The following WDFY2 variants were observed in gnomAD, a reference collection of about 807,000 sequenced individuals.
WDFY2 encodes WD repeat and FYVE domain containing 2, also known as WD repeat and FYVE domain-containing protein 2.
Under a neutral mutation model 56.4 loss-of-function variants are expected in WDFY2, and 36 were observed. The ratio of observed to expected loss-of-function variants is 0.64; its 90% CI spans 0.49 to 0.84. The LOEUF (loss-of-function observed/expected upper bound fraction) is 0.84, where lower values mean the gene tolerates loss of function less well. Ranked by LOEUF, WDFY2 falls within the 40% of genes least tolerant of loss-of-function variation. The pLI is 0.00. For synonymous variants in WDFY2, 176 were observed against 183.7 expected (o/e 0.96, Z 0.34); for missense variants, 444 against 512.2 (o/e 0.87, Z 1.29).
chr13:51,702,694 T>C (rs1276007640), intron 3 of WDFY2, among the ~76,000 whole-genome samples: 3 of 152,192 alleles, frequency 2.0e-5, no homozygotes, highest in African/African-American at 7.2e-5. Context: ...CCCATCCCCC[T>C]TTTTTTAAGT....
chr13:51,598,627 T>C (rs1954202194), intron 1 of WDFY2: 1 of 152,192 alleles, frequency 6.6e-6, no homozygotes, highest in Admixed American at 6.5e-5. Context: ...CTAAAATCAC[T>C]GTAATAGGAC....
chr13:51,614,661 T>A (rs963759066), intron 1 of WDFY2, among the ~76,000 whole-genome samples: 6 of 152,188 alleles, frequency 3.9e-5, no homozygotes, highest in Non-Finnish European at 7.4e-5. Flanking sequence ...TCAAAGAGCT[T>A]CCTGGAAGCT....
intron 4 of WDFY2, among the ~76,000 whole-genome samples, chr13:51,712,688 C>T (rs1241131345): frequency 6.6e-6 from 1 of 150,798 alleles, no homozygotes. Context: ...AATCCAAAAG[C>T]TAGTGTTTTG....
intron 1 of WDFY2, among the ~76,000 whole-genome samples, chr13:51,639,657 C>G (rs1955119430): frequency 6.6e-6 from 1 of 152,092 alleles, no homozygotes; most frequent in Non-Finnish European, 1.5e-5. Context: ...AAACTCAGTA[C>G]TTGTCTCTTT....
At chr13:51,613,216 T>TA (rs926111787) in intron 1 of WDFY2, among the ~76,000 whole-genome samples, 4 of 150,112 alleles carry the variant, frequency 2.7e-5, no homozygotes, top group Admixed American at 1.3e-4. Flanking sequence ...CTCTAAAAAA[T>TA]AAAAAAAAAG....
chr13:51,652,693 G>T (rs1955418814), intron 1 of WDFY2, among the ~76,000 whole-genome samples: 1 of 152,128 alleles, frequency 6.6e-6, no homozygotes, highest in South Asian at 2.1e-4. Context: ...TGAAATTCTG[G>T]GTTGAAAATT....
At chr13:51,718,187 G>T (rs1339259752) in intron 4 of WDFY2, among the ~76,000 whole-genome samples, 1 of 152,164 alleles carries the variant, frequency 6.6e-6, no homozygotes, top group Non-Finnish European at 1.5e-5. Context: ...TGATGAGTGT[G>T]TTCATGCCCC....
chr13:51,767,528 A>G lies in WDFY2; in HGVS notation c.*7759A>G, dbSNP rs1299944766. The stretch of plus-strand genomic sequence containing the variant: ...CCATGGACACCAAGAATGTATGTAG[A>G]TGTATTCTAAATCTGCTCATTGGTT... On this transcript the variant is annotated 3_prime_UTR_variant, in exon 12 of 12. Transcript: ENST00000298125. The G allele has an allele frequency of 6.6e-6, 1 of 152,292 alleles. No homozygotes were observed. Among genetic ancestry groups the G allele is most frequent in the Non-Finnish European group, 1.5e-5 (1 of 68,282 alleles). The allele number at this position is 152,292 out of a possible 1,614,324, so 9.4% of individuals were successfully genotyped here. A position where few individuals can be genotyped will look rare whatever the true frequency, so the allele number is the denominator to read the frequency against.
chr13:51,588,663 G>C (rs1039202569), intron 1 of WDFY2: 1 of 152,118 alleles, frequency 6.6e-6, no homozygotes, highest in African/African-American at 2.4e-5. Context: ...GGGCATTTTA[G>C]ATAGAGGAGG....
chr13:51,646,847 G>A (rs1189154179), intron 1 of WDFY2, among the ~76,000 whole-genome samples: 1 of 152,148 alleles, frequency 6.6e-6, no homozygotes, highest in African/African-American at 2.4e-5. Flanking sequence ...GCATGAACCT[G>A]GTGTGGTGCT....
intron 2 of WDFY2, among the ~76,000 whole-genome samples, chr13:51,673,378 C>A (rs755985806): frequency 9.2e-5 from 14 of 152,136 alleles, no homozygotes; most frequent in Non-Finnish European, 2.1e-4. Flanking sequence ...TAGTCACTAG[C>A]CCCTTGAGGC....
intron 2 of WDFY2, among the ~76,000 whole-genome samples, chr13:51,668,341 G>A (rs146442018): frequency 0.01 from 1,582 of 152,232 alleles, 29 homozygotes; most frequent in African/African-American, 0.036. Context: ...TCACTTTAGT[G>A]TAACTTAAAA....
intron 3 of WDFY2, among the ~76,000 whole-genome samples, chr13:51,696,178 A>G (rs1287928206): frequency 6.6e-6 from 1 of 152,032 alleles, no homozygotes; most frequent in Non-Finnish European, 1.5e-5. Context: ...GGTGTGCTGC[A>G]CCCACTATCC....
rs1401277235 is a variant in WDFY2 at position 51,764,963 on chromosome 13, G to A, written c.*5194G>A. ...GTTGCACGGACAGGCGGTGCCGAGT[G>A]TTTGGGTGCAGACACAGGCAGCTGC... On this transcript the variant is annotated 3_prime_UTR_variant, in exon 12 of 12. Transcript: ENST00000298125. 1 of 152,252 alleles carries A rather than the reference G, an allele frequency of 6.6e-6. No individual in the cohort carries two copies. Among genetic ancestry groups the A allele is most frequent in the Non-Finnish European group, 1.5e-5 (1 of 68,110 alleles). The allele number at this position is 152,252 out of a possible 1,614,324, so 9.4% of individuals were successfully genotyped here.
intron 4 of WDFY2, among the ~76,000 whole-genome samples, chr13:51,718,065 A>G (rs565692312): frequency 2.2e-4 from 33 of 152,356 alleles, no homozygotes; most frequent in African/African-American, 7.9e-4. Flanking sequence ...AGAAATTGGC[A>G]GATGGTATTA....
At chr13:51,638,057 C>T (rs1955085988) in intron 1 of WDFY2, among the ~76,000 whole-genome samples, 1 of 152,210 alleles carries the variant, frequency 6.6e-6, no homozygotes, top group Non-Finnish European at 1.5e-5. Context: ...TTGAATGCCT[C>T]TGACAAGAGT....
chr13:51,697,068 C>A (rs1435828409), intron 3 of WDFY2, among the ~76,000 whole-genome samples: 3 of 152,048 alleles, frequency 2.0e-5, no homozygotes, highest in Admixed American at 1.3e-4. Flanking sequence ...TGTTTTAATT[C>A]TATTTTTATC....
chr13:51,723,320 G>A (rs985924302), intron 5 of WDFY2, among the ~76,000 whole-genome samples: 2 of 152,092 alleles, frequency 1.3e-5, no homozygotes, highest in Admixed American at 1.3e-4. Context: ...CCTTGATATT[G>A]TTGAATTTCA....
chr13:51,695,354 G>T (rs1483382497), intron 3 of WDFY2, among the ~76,000 whole-genome samples: 1 of 152,132 alleles, frequency 6.6e-6, no homozygotes, highest in Non-Finnish European at 1.5e-5. Flanking sequence ...GTACAGATGG[G>T]TTTTTGGTGT....
Sources: gnomAD v4.1 joint callset for allele counts (sites outside exome capture counted in the v4.1 genomes callset) on GRCh38, gnomAD v4.1.1 for gene constraint, MANE v1.5 for transcripts, NCBI Gene and HGNC (gene_info 2026-07-23, HGNC 2026-07-21) for gene names.